Variants in CALML4 observed in about 807,000 individuals in gnomAD.
CALML4 encodes the protein calmodulin like 4, also known as calmodulin-like protein 4.
Under a neutral mutation model 17.9 loss-of-function variants are expected in CALML4, and 16 were observed. That is an observed-to-expected ratio of 0.89 (90% confidence interval 0.61 to 1.36). The LOEUF (loss-of-function observed/expected upper bound fraction) is 1.36. Ranked by LOEUF, CALML4 falls within the 40% of genes most tolerant of loss-of-function variation. CALML4 has a pLI of 0.00. For missense variants in CALML4, 203 were observed against 194.8 expected, an observed-to-expected ratio of 1.04 and a Z score of -0.25; for synonymous variants, 86 against 71.5, an observed-to-expected ratio of 1.20 and a Z score of -1.02.
At chr15:68,205,489 C>G, upstream of CALML4, 1 of 1,333,540 alleles carries the variant, frequency 7.5e-7, no homozygotes, top group Non-Finnish European at 1.0e-6. The surrounding 1 kb of genome is among the most constrained non-coding windows in gnomAD (Gnocchi z 4.8). Flanking sequence ...GAAGGCTCTC[C>G]CTGGGCTCAG....
rs2093131431 is a variant in CALML4 at position 68,193,916 on chromosome 15, C to T, written c.*99G>A. On this transcript the variant is annotated 3_prime_UTR_variant, in exon 5 of 5. Transcript: ENST00000467889. ...ATAGTTGGGTAATGTTGTCTTGCCA[C>T]TGTGTTTGCCATCTCTCCCAAGTGA... 1 of 766,136 alleles carries T rather than the reference C, an allele frequency of 1.3e-6. No individual in the cohort carries two copies. The highest frequency in any genetic ancestry group is 1.7e-5 in the African/African-American group (1 of 57,158). The allele number at this position is 766,136 out of a possible 1,614,324, so 47.5% of individuals were successfully genotyped here.
At position 68,193,896 on chromosome 15, in the gene CALML4, T is replaced by C; in HGVS notation, c.*119A>G. The stretch of plus-strand genomic sequence containing the variant: ...TGCTAGTTAGCCTCTCTTCTATAGT[T>C]GGGTAATGTTGTCTTGCCACTGTGT... On this transcript the variant is annotated 3_prime_UTR_variant, in exon 5 of 5. Transcript: ENST00000467889. 2 of 661,120 alleles carry C rather than the reference T, an allele frequency of 3.0e-6. No individual in the cohort carries two copies. The highest frequency in any genetic ancestry group is 3.7e-5 in the South Asian group (2 of 54,068). The allele number at this position is 661,120 out of a possible 1,614,324, so 41.0% of individuals were successfully genotyped here.
intron 3 of CALML4, 91 bp downstream of exon 3, chr15:68,199,450 C>T: frequency 1.4e-6 from 2 of 1,387,592 alleles, no homozygotes; most frequent in Non-Finnish European, 1.9e-6. Flanking sequence ...CTGCCACCTG[C>T]CCCTCAAACT....
In CALML4 at chr15:68,197,373, C is replaced by T. The variant is rs1422029149; in HGVS notation, c.364+67G>A. ...TACCACCCTGGTGGCATCAGCTAGG[C>T]TTTGGTGCCCTCCTTCCAACTCCCT... On this transcript the variant is annotated intron_variant, in intron 4 of 4. Transcript: ENST00000467889. The surrounding 1 kb of genome is among the most constrained non-coding windows in gnomAD (Gnocchi z 4.1). The T allele has an allele frequency of 3.7e-5, 56 of 1,514,174 alleles. No homozygotes were observed. Among genetic ancestry groups the T allele is most frequent in the Non-Finnish European group, 5.0e-5 (56 of 1,111,270 alleles). 93.8% of individuals were successfully genotyped at this position (1,514,174 alleles called of 1,614,324 possible). A position where few individuals can be genotyped will look rare whatever the true frequency, so the allele number is the denominator to read the frequency against.
rs1382379412 is a variant in CALML4, at chr15:68,200,611, C to G, written c.35-930G>C. On this transcript the variant is annotated intron_variant, in intron 2 of 4. Coordinates refer to ENST00000467889, the MANE Select transcript of CALML4 (RefSeq NM_033429.3). The surrounding 1 kb of genome is among the most constrained non-coding windows in gnomAD (Gnocchi z 4.3). ...GGGGTAGGTGGGGCTGCCATCAGGA[C>G]AGGGAGATTCTCGTCCAGCCCAGAC... Among the ~76,000 whole-genome samples, 1 of 152,188 alleles carries G rather than the reference C, an allele frequency of 6.6e-6. No homozygotes were observed. The highest frequency in any genetic ancestry group is 1.5e-5 in the Non-Finnish European group (1 of 68,022).
chr15:68,200,174 GAAT>G lies in CALML4; in HGVS notation c.35-496_35-494del, dbSNP rs1055150798. 3.3e-5 allele frequency among the ~76,000 whole-genome samples: 5 copies of G among 152,180 alleles called. No individual in the cohort carries two copies. Among genetic ancestry groups the G allele is most frequent in the African/African-American group, 9.7e-5 (4 of 41,438 alleles). ...CAAACACAACTTTTCTGGACAATGG[GAAT>G]AATAAGGCCTCAGGATTACTGTGAG... On this transcript the variant is annotated intron_variant, in intron 2 of 4. Transcript: ENST00000467889. The surrounding 1 kb of genome is among the most constrained non-coding windows in gnomAD (Gnocchi z 4.3).
At position 68,200,378 on chromosome 15, in the gene CALML4, T is replaced by TC. The variant is rs1186031958; in HGVS notation, c.35-698dup. 6.6e-6 allele frequency among the ~76,000 whole-genome samples: 1 copy of TC among 152,094 alleles called. No individual in the cohort carries two copies. The highest frequency in any genetic ancestry group is 1.5e-5 in the Non-Finnish European group (1 of 68,000). ...TCCTGTTCTTAGAGACTTCAAAGGG[T>TC]CCTGCTGGGAAATTCTCCCAGGGTC... is the stretch of plus-strand genomic sequence containing the variant. On this transcript the variant is annotated intron_variant, in intron 2 of 4. Coordinates refer to ENST00000467889, the MANE Select transcript of CALML4 (RefSeq NM_033429.3). The surrounding 1 kb of genome is among the most constrained non-coding windows in gnomAD (Gnocchi z 4.3).
upstream of CALML4, chr15:68,205,412 A>C (rs768767006): frequency 6.2e-7 from 1 of 1,612,192 alleles, no homozygotes; most frequent in South Asian, 1.1e-5. The surrounding 1 kb of genome is among the most constrained non-coding windows in gnomAD (Gnocchi z 4.8). Flanking sequence ...GTCAGATTCC[A>C]GCTTCCTGAG....
At position 68,196,624 on chromosome 15, in the gene CALML4, G is replaced by GGCT. The variant is rs574811090; in HGVS notation, c.364+813_364+815dup. 3.5e-3 allele frequency among the ~76,000 whole-genome samples: 533 copies of GGCT among 152,286 alleles called. 2 individuals are homozygous for GGCT. Among genetic ancestry groups the GGCT allele is most frequent in the African/African-American group, 0.012 (496 of 41,552 alleles). On this transcript the variant is annotated intron_variant, in intron 4 of 4. Transcript: ENST00000467889. The stretch of plus-strand genomic sequence containing the variant: ...CGGGCAGAGGCAGAGCTGGCTGGCT[G>GGCT]GCTGCTGCGAACATGGCAGGGCTAG...
rs577482641 is a variant in CALML4, at chr15:68,196,869, C to T, written c.364+571G>A. 8.7e-4 allele frequency among the ~76,000 whole-genome samples: 133 copies of T among 152,342 alleles called. 1 individual carries two copies. Among genetic ancestry groups the T allele is most frequent in the Non-Finnish European group, 1.5e-3 (101 of 68,026 alleles). Reference sequence around the variant, plus strand: ...CCTGTCTCGGCAGTTCTCCAACTGTCCTGGCAAAGTTCCCTCTGGAGCCCC... The same window carrying T: ...CCTGTCTCGGCAGTTCTCCAACTGTTCTGGCAAAGTTCCCTCTGGAGCCCC... On this transcript the variant is annotated intron_variant, in intron 4 of 4. Transcript: ENST00000467889.
At position 68,205,292 on chromosome 15, in the gene CALML4, C is replaced by T. The variant is rs570128082; in HGVS notation, c.-45G>A. ...CCCGTGGGCTTGCTGCTCCCAGAAC[C>T]GCGTTCAGTTCCCTTTCCTCCAGCC... is the stretch of plus-strand genomic sequence containing the variant. On this transcript the variant is annotated 5_prime_UTR_variant, in exon 1 of 5. Coordinates refer to ENST00000467889, the MANE Select transcript of CALML4 (RefSeq NM_033429.3). This position sits in a 1 kb window ranked among gnomAD's most constrained non-coding sequence, Gnocchi z 4.8. The T allele has an allele frequency of 4.1e-5, 66 of 1,614,034 alleles. No individual in the cohort carries two copies. Among genetic ancestry groups the T allele is most frequent in the Middle Eastern group, 3.3e-4 (2 of 6,084 alleles).
In CALML4 at chr15:68,199,650, C is replaced by T. The variant is rs762588698; in HGVS notation, c.66G>A (p.Lys22=). 10 of 1,613,394 alleles carry T rather than the reference C, an allele frequency of 6.2e-6. No homozygotes were observed. The highest frequency in any genetic ancestry group is 8.5e-6 in the Non-Finnish European group (10 of 1,179,960). Reference sequence around the variant, plus strand: ...TGGCTTTTATCTTCCCCCTCTGCTGCTTGTCATACAGGGAGAAGCATTCCT... The same window carrying T: ...TGGCTTTTATCTTCCCCCTCTGCTGTTTGTCATACAGGGAGAAGCATTCCT... ...EYKECFSLYD[K]QQRGKIKATD... is the part of the protein sequence containing the mutation. Residue 22 remains lysine (K), a synonymous_variant, in exon 3 of 5, where the codon AAG becomes AAA. Transcript: ENST00000467889.
chr15:68,193,570 C>G lies in CALML4; in HGVS notation c.*445G>C, dbSNP rs1314008101. 6.4e-6 allele frequency: 1 copy of G among 155,288 alleles called. No homozygotes were observed. Among genetic ancestry groups the G allele is most frequent in the African/African-American group, 2.4e-5 (1 of 41,518 alleles). 9.6% of individuals were successfully genotyped at this position (155,288 alleles called of 1,614,324 possible). A position where few individuals can be genotyped will look rare whatever the true frequency, so the allele number is the denominator to read the frequency against. The stretch of plus-strand genomic sequence containing the variant: ...GGAAATATGGAAGATGGTTCTAGCC[C>G]CCAAATACAGAATAAGTCTCTTGGT... On this transcript the variant is annotated 3_prime_UTR_variant, in exon 5 of 5. Coordinates refer to ENST00000467889, the MANE Select transcript of CALML4 (RefSeq NM_033429.3).
rs1332955744 is a variant in CALML4 at position 68,192,945 on chromosome 15, T to G, written c.*1070A>C. ...AGATTTGACAAGTGTATGGCACCTC[T>G]GAATCTCTGGCAGCACCAACCTGGC... On this transcript the variant is annotated 3_prime_UTR_variant, in exon 5 of 5. Coordinates refer to ENST00000467889, the MANE Select transcript of CALML4 (RefSeq NM_033429.3). The G allele has an allele frequency of 6.6e-6, 1 of 152,230 alleles. No individual in the cohort carries two copies. Among genetic ancestry groups the G allele is most frequent in the African/African-American group, 2.4e-5 (1 of 41,444 alleles). 9.4% of individuals were successfully genotyped at this position (152,230 alleles called of 1,614,324 possible).
At chr15:68,198,816 C>G (rs373204759) in intron 3 of CALML4, among the ~76,000 whole-genome samples, 23 of 152,012 alleles carry the variant, frequency 1.5e-4, no homozygotes, top group African/African-American at 5.5e-4. Context: ...CTGATGCCAT[C>G]ATTGGCTCAA....
At position 68,205,294 on chromosome 15, in the gene CALML4, C is replaced by T. The variant is rs191444296; in HGVS notation, c.-47G>A. On this transcript the variant is annotated 5_prime_UTR_variant, in exon 1 of 5. Transcript: ENST00000467889. This position sits in a 1 kb window ranked among gnomAD's most constrained non-coding sequence, Gnocchi z 4.8. ...CGTGGGCTTGCTGCTCCCAGAACCGCGTTCAGTTCCCTTTCCTCCAGCCTC... is the reference window on the plus strand; with the variant it reads ...CGTGGGCTTGCTGCTCCCAGAACCGTGTTCAGTTCCCTTTCCTCCAGCCTC... The T allele has an allele frequency of 1.0e-4, 169 of 1,614,114 alleles. No homozygotes were observed. In the East Asian group the frequency reaches 2.5e-3, roughly 24 times the overall value.
In CALML4 at chr15:68,199,697, A is replaced by T. The variant is rs1220068700; in HGVS notation, c.35-16T>A. Reference sequence around the variant, plus strand: ...TCCTTGTACTCTGCACACGGCCCAGAGGGAGGGTCAGCAGCGTCTGGTCAC... The same window carrying T: ...TCCTTGTACTCTGCACACGGCCCAGTGGGAGGGTCAGCAGCGTCTGGTCAC... On this transcript the variant is annotated splice_polypyrimidine_tract_variant and intron_variant, in intron 2 of 4. Transcript: ENST00000467889. The T allele has an allele frequency of 6.2e-7, 1 of 1,609,290 alleles. No homozygotes were observed. The highest frequency in any genetic ancestry group is 8.5e-7 in the Non-Finnish European group (1 of 1,177,692).
rs959772146 is a variant in CALML4, at chr15:68,205,023, G to A, written c.34+98C>T. ...CCTGGGTGGGCCCAGCTCTCCCACA[G>A]CCACCTTCCTTCCCACCAAGAAAAC... On this transcript the variant is annotated intron_variant, in intron 2 of 4. Transcript: ENST00000467889. This position sits in a 1 kb window ranked among gnomAD's most constrained non-coding sequence, Gnocchi z 4.8. The A allele has an allele frequency of 4.8e-6, 7 of 1,451,870 alleles. No homozygotes were observed. In the East Asian group the frequency reaches 6.8e-5, roughly 14 times the overall value. The allele number at this position is 1,451,870 out of a possible 1,614,324, so 89.9% of individuals were successfully genotyped here. A position where few individuals can be genotyped will look rare whatever the true frequency, so the allele number is the denominator to read the frequency against.
chr15:68,197,215 C>T lies in CALML4; in HGVS notation c.364+225G>A, dbSNP rs1471363924. Among the ~76,000 whole-genome samples the T allele has an allele frequency of 6.6e-6, 1 of 152,180 alleles. No homozygotes were observed. The highest frequency in any genetic ancestry group is 6.5e-5 in the Admixed American group (1 of 15,282). ...GGTTCCGAGCTGGGTTTCCCCTAGG[C>T]TGTCCCTTCACCCTGGCAGACCTCC... On this transcript the variant is annotated intron_variant, in intron 4 of 4. Coordinates refer to ENST00000467889, the MANE Select transcript of CALML4 (RefSeq NM_033429.3). This position sits in a 1 kb window ranked among gnomAD's most constrained non-coding sequence, Gnocchi z 4.1.
Sources: gnomAD v4.1 joint callset for allele counts (sites outside exome capture counted in the v4.1 genomes callset) on GRCh38, gnomAD v4.1.1 for gene constraint, Gnocchi (gnomAD v3.1) non-coding constraint, MANE v1.5 for transcripts, NCBI Gene and HGNC (gene_info 2026-07-23, HGNC 2026-07-21) for gene names.